The following PHF8 variants were observed in gnomAD, a reference collection of about 807,000 sequenced individuals.
PHF8 encodes histone lysine demethylase PHF8.
Under a neutral mutation model 74.4 loss-of-function variants are expected in PHF8, and 9 were observed. The observed-to-expected ratio is 0.12, with a 90% CI of 0.07 to 0.21. PHF8 has a LOEUF of 0.21. Ranked by LOEUF, PHF8 falls within the 10% of genes least tolerant of loss-of-function variation. PHF8 has a pLI of 1.00. For missense variants in PHF8, 478 were observed against 816.6 expected, an observed-to-expected ratio of 0.59 and a Z score of 5.05; for synonymous variants, 311 against 316.6, an observed-to-expected ratio of 0.98 and a Z score of 0.19.
chrX:54,003,691 T>C (rs915085221), intron 8 of PHF8, among the ~76,000 whole-genome samples: 7 of 111,943 alleles, frequency 6.3e-5, no homozygotes, highest in Non-Finnish European at 1.1e-4. Context: ...TTTTGGTACA[T>C]CTGAAATATT....
upstream of PHF8, among the ~76,000 whole-genome samples, chrX:54,045,811 T>TA (rs2066628757): frequency 8.9e-6 from 1 of 112,202 alleles, no homozygotes; most frequent in Non-Finnish European, 1.9e-5. Context: ...GGTCAAACAG[T>TA]AAAGGGTCAC....
chrX:53,971,075 A>T (rs1557094422), intron 18 of PHF8, among the ~76,000 whole-genome samples: 1 of 111,647 alleles, frequency 9.0e-6, no homozygotes, highest in Non-Finnish European at 1.9e-5. Flanking sequence ...TTTAAAATTG[A>T]TCACATAATC....
At chrX:53,955,401 G>A (rs375868061) in intron 19 of PHF8, among the ~76,000 whole-genome samples, 7 of 109,098 alleles carry the variant, frequency 6.4e-5, no homozygotes, top group Admixed American at 1.0e-4. Context: ...TTTCTATATC[G>A]ATTATACAAT....
chrX:54,043,743 C>A lies in PHF8; in HGVS notation c.-93+19G>T. 1.6e-6 allele frequency: 1 copy of A among 644,661 alleles called. No homozygotes were observed. The highest frequency in any genetic ancestry group is 1.9e-6 in the Non-Finnish European group (1 of 539,147). 53.1% of individuals were successfully genotyped at this position (644,661 alleles called of 1,213,427 possible). The stretch of plus-strand genomic sequence containing the variant: ...ATCCTAAAACTGACAGTAATAGCCT[C>A]GCAGCCCCCAAAACTTACAGGAATC... On this transcript the variant is annotated intron_variant, in intron 1 of 21. Transcript: ENST00000338154.
At chrX:53,957,651 T>C (rs1717550357) in intron 19 of PHF8, among the ~76,000 whole-genome samples, 1 of 112,465 alleles carries the variant, frequency 8.9e-6, no homozygotes, top group Admixed American at 9.5e-5. Context: ...GCAATATGCC[T>C]AGATAAAAAC....
At chrX:53,994,705 T>A (rs2065720435) in intron 12 of PHF8, among the ~76,000 whole-genome samples, 1 of 111,909 alleles carries the variant, frequency 8.9e-6, no homozygotes, top group Non-Finnish European at 1.9e-5. Flanking sequence ...AAATGAGAGG[T>A]AGGAGGTGGA....
chrX:53,990,023 T>C (rs1019617100), intron 14 of PHF8, among the ~76,000 whole-genome samples: 1 of 111,899 alleles, frequency 8.9e-6, no homozygotes, highest in African/African-American at 3.2e-5. Flanking sequence ...CCCTGATCTT[T>C]TATTAACTTC....
At chrX:53,977,590 A>C (rs1400908966) in intron 18 of PHF8, among the ~76,000 whole-genome samples, 1 of 111,004 alleles carries the variant, frequency 9.0e-6, no homozygotes, top group African/African-American at 3.3e-5. Context: ...GAGCAACTGG[A>C]ATTCCACATA....
chrX:54,032,678 C>T (rs1002885847), intron 2 of PHF8, among the ~76,000 whole-genome samples: 1 of 111,009 alleles, frequency 9.0e-6, no homozygotes, highest in Non-Finnish European at 1.9e-5. Context: ...TGTTAGTTTA[C>T]TGTCTCATGT....
chrX:54,037,969 A>G (rs1290092567), intron 2 of PHF8, among the ~76,000 whole-genome samples: 1 of 112,715 alleles, frequency 8.9e-6, no homozygotes, highest in African/African-American at 3.2e-5. Flanking sequence ...CCTTTCCTCT[A>G]GAGTTAAAAA....
chrX:54,037,904 T>C (rs2066490401), intron 2 of PHF8, among the ~76,000 whole-genome samples: 2 of 112,450 alleles, frequency 1.8e-5, no homozygotes, highest in African/African-American at 6.5e-5. Context: ...AGATAAGAAA[T>C]TATTTGCTAA....
At chrX:54,001,706 G>T (rs145469085) in intron 10 of PHF8, among the ~76,000 whole-genome samples, 35 of 111,397 alleles carry the variant, frequency 3.1e-4, no homozygotes, top group Non-Finnish European at 6.4e-4. Context: ...CTCGAGGCCA[G>T]GAGTTTGAGA....
intron 8 of PHF8, among the ~76,000 whole-genome samples, chrX:54,009,007 A>G (rs1165102360): frequency 1.8e-5 from 2 of 111,519 alleles, no homozygotes; most frequent in Non-Finnish European, 3.8e-5. Flanking sequence ...GTGAAACCCC[A>G]TCTCTATTAA....
intron 18 of PHF8, among the ~76,000 whole-genome samples, chrX:53,976,365 C>CTA (rs2065376155): frequency 9.1e-6 from 1 of 110,332 alleles, no homozygotes; most frequent in East Asian, 2.8e-4. Flanking sequence ...AAAAAGGTCT[C>CTA]AAATAAATAA....
At chrX:53,998,365 A>C in intron 11 of PHF8, among the ~76,000 whole-genome samples, 1 of 111,408 alleles carries the variant, frequency 9.0e-6, no homozygotes, top group Middle Eastern at 4.7e-3. Flanking sequence ...GAGGCACGAG[A>C]ATCGCTTGAA....
At chrX:54,021,318 G>A (rs1166766074) in intron 4 of PHF8, among the ~76,000 whole-genome samples, 3 of 110,498 alleles carry the variant, frequency 2.7e-5, no homozygotes, top group Non-Finnish European at 5.7e-5. Flanking sequence ...GGAAGGGGCT[G>A]AAAAACTAGC....
chrX:54,007,609 CA>C (rs1477641026), intron 8 of PHF8, among the ~76,000 whole-genome samples: 1 of 110,804 alleles, frequency 9.0e-6, no homozygotes, highest in East Asian at 2.8e-4. Context: ...GATATTTCTC[CA>C]AAAAAAACTA....
At chrX:54,020,433 C>A (rs1265367498) in intron 4 of PHF8, among the ~76,000 whole-genome samples, 2 of 110,810 alleles carry the variant, frequency 1.8e-5, no homozygotes, top group Non-Finnish European at 3.8e-5. Context: ...AATGTTACAC[C>A]ATGCAATGTA....
At chrX:54,001,961 T>G (rs781829431) in intron 10 of PHF8, among the ~76,000 whole-genome samples, 194 bp downstream of exon 10, 4 of 111,270 alleles carry the variant, frequency 3.6e-5, no homozygotes, top group African/African-American at 1.3e-4. Flanking sequence ...TAGGGAGATT[T>G]TTTTTAAAGC....
Sources: allele counts gnomAD v4.1 joint callset (sites outside exome capture counted in the v4.1 genomes callset), GRCh38; gene constraint gnomAD v4.1.1; transcripts MANE v1.5; gene names NCBI Gene and HGNC (gene_info 2026-07-23, HGNC 2026-07-21).